The following SZT2 variants were observed in gnomAD, a reference collection of about 807,000 sequenced individuals.
SZT2 encodes KICSTOR complex protein SZT2.
SZT2 carries 216 observed loss-of-function variants against 404.2 expected under a neutral mutation model. That is an observed-to-expected ratio of 0.53 (90% CI 0.48 to 0.60). SZT2 has a LOEUF of 0.60. Ranked by LOEUF, SZT2 falls within the 20% of genes least tolerant of loss-of-function variation. The pLI is 0.00. For missense variants in SZT2, 3,857 were observed against 4,459.2 expected, an observed-to-expected ratio of 0.86 and a Z score of 3.85; for synonymous variants, 1,693 against 1,749.9, an observed-to-expected ratio of 0.97 and a Z score of 0.81.
At chr1:43,395,609 T>C (rs1648903158) in intron 1 of SZT2, among the ~76,000 whole-genome samples, 1 of 152,220 alleles carries the variant, frequency 6.6e-6, no homozygotes, top group Non-Finnish European at 1.5e-5. Flanking sequence ...CTGTTACTTG[T>C]TTTTGTAGAA....
At chr1:43,429,662 A>G (rs200989574) in intron 28 of SZT2, 41 bp from the exon 29 acceptor site, 8 of 1,612,470 alleles carry the variant, frequency 5.0e-6, no homozygotes, top group South Asian at 2.2e-5. Flanking sequence ...TCAGAGCTTG[A>G]TGGTTCTTAA....
chr1:43,431,125 T>A, intron 33 of SZT2, 35 bp downstream of exon 33: 2 of 1,606,036 alleles, frequency 1.2e-6, no homozygotes, highest in Non-Finnish European at 1.7e-6. Flanking sequence ...GTTTGGGACC[T>A]TTTTAGGGTA....
In SZT2 at chr1:43,420,144, G is replaced by C; in HGVS notation, c.1091-9G>C. The C allele has an allele frequency of 2.5e-6, 4 of 1,598,064 alleles. No homozygotes were observed. Among genetic ancestry groups the C allele is most frequent in the Non-Finnish European group, 2.5e-6 (3 of 1,179,584 alleles). ...AGTTTCTCCTTCCCCATCTCCACTG[G>C]TCTTCCAGGCTCTCAGCACCGCCTA... On this transcript the variant is annotated splice_polypyrimidine_tract_variant and intron_variant, in intron 8 of 71. Coordinates refer to ENST00000634258, the MANE Select transcript of SZT2 (RefSeq NM_001365999.1). This position sits in a 1 kb window ranked among gnomAD's most constrained non-coding sequence, Gnocchi z 5.1.
rs1655113391 is a variant in SZT2 at position 43,442,026 on chromosome 1, C to T, written c.7769C>T (p.Pro2590Leu). The change falls in exon 56 of 72, where the codon CCT (proline) becomes CTT (leucine). Residue 2590 changes from proline to leucine, a missense_variant. Physicochemically the swap from Pro to Leu is moderately conservative, Grantham distance 98. Coordinates refer to ENST00000634258, the MANE Select transcript of SZT2 (RefSeq NM_001365999.1). The surrounding 1 kb of genome is among the most constrained non-coding windows in gnomAD (Gnocchi z 4.5). ...HLGSEPEIFG[P>L]CSPGQLGPSP... ...GGTTCAGAGCCAGAGATCTTCGGCC[C>T]TTGTTCCCCTGGGCAACTGGGCCCC... 2 of 1,613,894 alleles carry T rather than the reference C, an allele frequency of 1.2e-6. No homozygotes were observed. Among genetic ancestry groups the T allele is most frequent in the Non-Finnish European group, 8.5e-7 (1 of 1,179,888 alleles).
intron 7 of SZT2, among the ~76,000 whole-genome samples, chr1:43,417,112 A>T (rs1049294253): frequency 6.6e-6 from 1 of 152,222 alleles, no homozygotes; most frequent in Non-Finnish European, 1.5e-5. Context: ...TGCTTTATTA[A>T]TGAGGTTAAG....
rs1314762368 is a variant in SZT2, at chr1:43,432,774, G to A, written c.5577G>A (p.Gln1859=). 8 of 1,613,822 alleles carry A rather than the reference G, an allele frequency of 5.0e-6. No homozygotes were observed. The highest frequency in any genetic ancestry group is 5.9e-6 in the Non-Finnish European group (7 of 1,179,938). ...GGGGATTAAGTCTCATGTCCAGTCA[G>A]GGCAGTGTGGACTCAGACCACCTAG... is the stretch of plus-strand genomic sequence containing the variant. The part of the protein sequence containing the change: ...PSRGLSLMSS[Q]GSVDSDHLGY... Residue 1859 remains glutamine (Q), a synonymous_variant, in exon 39 of 72, where the codon CAG becomes CAA. Transcript: ENST00000634258.
At chr1:43,430,290 T>A in intron 30 of SZT2, 21 bp from the exon 31 acceptor site, 1 of 1,613,304 alleles carries the variant, frequency 6.2e-7, no homozygotes, top group Non-Finnish European at 8.5e-7. Context: ...CCTCATCATC[T>A]TGCTTCATTC....
At chr1:43,413,547 A>G (rs914682587) in intron 4 of SZT2, among the ~76,000 whole-genome samples, 2 of 152,260 alleles carry the variant, frequency 1.3e-5, no homozygotes, top group East Asian at 1.9e-4. Context: ...ATCTGGAAGC[A>G]GCCTGAGTGT....
chr1:43,402,073 T>C (rs1649752772), intron 1 of SZT2, among the ~76,000 whole-genome samples: 1 of 152,224 alleles, frequency 6.6e-6, no homozygotes. Flanking sequence ...AAAATAATTC[T>C]TCACTTTCTT....
At chr1:43,403,975 C>T in intron 3 of SZT2, 1 of 616,666 alleles carries the variant, frequency 1.6e-6, no homozygotes, top group Non-Finnish European at 2.8e-6. Context: ...TTTGGGAAGC[C>T]AAGGCGGGCT....
Position 43,437,142 on chromosome 1 carries a change from A to C in SZT2, c.6035-29A>C. On this transcript the variant is annotated intron_variant, in intron 42 of 71. Transcript: ENST00000634258. This position sits in a 1 kb window ranked among gnomAD's most constrained non-coding sequence, Gnocchi z 5.3. Reference sequence around the variant, plus strand: ...TGGAGGGCAGAGGGTGGTGTGTCCCATTTCTAATCCCTGCTCCCCCTCACC... The same window carrying C: ...TGGAGGGCAGAGGGTGGTGTGTCCCCTTTCTAATCCCTGCTCCCCCTCACC... The C allele has an allele frequency of 6.2e-7, 1 of 1,612,418 alleles. No homozygotes were observed. The highest frequency in any genetic ancestry group is 8.5e-7 in the Non-Finnish European group (1 of 1,179,050).
chr1:43,442,811 T>C lies in SZT2; in HGVS notation c.8152-8T>C. 6.3e-7 allele frequency: 1 copy of C among 1,590,970 alleles called. No homozygotes were observed. Among genetic ancestry groups the C allele is most frequent in the Non-Finnish European group, 8.6e-7 (1 of 1,167,850 alleles). ...GCTATGAACCCATTGCAATGCTCCA[T>C]CTCTCAGGAGCCAAACCCATTCCTG... On this transcript the variant is annotated splice_region_variant and splice_polypyrimidine_tract_variant and intron_variant, in intron 58 of 71. Transcript: ENST00000634258. This position sits in a 1 kb window ranked among gnomAD's most constrained non-coding sequence, Gnocchi z 4.5.
In SZT2 at chr1:43,429,711, C is replaced by A. The variant is rs756954453; in HGVS notation, c.4175C>A (p.Thr1392Asn). 6.2e-7 allele frequency: 1 copy of A among 1,614,176 alleles called. No homozygotes were observed. The highest frequency in any genetic ancestry group is 1.3e-5 in the African/African-American group (1 of 75,048). ...TTACCCCAACCATTCAGCATAGAGA[C>A]CGAGGACCTAAGCGAGCCTGAGTTT... Reference protein sequence around the residue: ...AILASESSIETEDLSEPEFQS... With the variant: ...AILASESSIENEDLSEPEFQS... Residue 1392 changes from threonine (T) to asparagine (N), a missense_variant, in exon 29 of 72, where the codon ACC becomes AAC. Transcript: ENST00000634258.
intron 41 of SZT2, among the ~76,000 whole-genome samples, 162 bp from the exon 42 acceptor site, chr1:43,435,038 C>G (rs1396824060): frequency 1.3e-5 from 2 of 152,190 alleles, no homozygotes; most frequent in Non-Finnish European, 2.9e-5. Flanking sequence ...GAATCACTCT[C>G]AGAGGCCTGA....
intron 28 of SZT2, 35 bp from the exon 29 acceptor site, chr1:43,429,668 C>A (rs1174691951): frequency 3.7e-6 from 6 of 1,613,968 alleles, no homozygotes; most frequent in Non-Finnish European, 5.1e-6. Flanking sequence ...CTTGATGGTT[C>A]TTAACACTTC....
chr1:43,453,898 C>A lies in SZT2; in HGVS notation c.*3418C>A, dbSNP rs1318532064. 4 of 1,216,254 alleles carry A rather than the reference C, an allele frequency of 3.3e-6. No homozygotes were observed. The highest frequency in any genetic ancestry group is 3.1e-6 in the Non-Finnish European group (3 of 979,064). 75.3% of individuals were successfully genotyped at this position (1,216,254 alleles called of 1,614,324 possible). ...GGGCTCTCCTTGCTGGCCCTGCGAA[C>A]GAACGAGCACTGTTCGTGGTTAGAA... On this transcript the variant is annotated 3_prime_UTR_variant, in exon 72 of 72. Coordinates refer to ENST00000634258, the MANE Select transcript of SZT2 (RefSeq NM_001365999.1).
chr1:43,453,764 C>G lies in SZT2; in HGVS notation c.*3284C>G. On this transcript the variant is annotated 3_prime_UTR_variant, in exon 72 of 72. Coordinates refer to ENST00000634258, the MANE Select transcript of SZT2 (RefSeq NM_001365999.1). ...CGGAGAGCTCGGGGAATAGCCAGGA[C>G]AGATTGGCGGAGAAGCGCAGCGGCG... is the stretch of plus-strand genomic sequence containing the variant. 4.6e-6 allele frequency: 6 copies of G among 1,315,534 alleles called. No individual in the cohort carries two copies. Among genetic ancestry groups the G allele is most frequent in the Non-Finnish European group, 5.8e-6 (6 of 1,038,250 alleles). The allele number at this position is 1,315,534 out of a possible 1,614,324, so 81.5% of individuals were successfully genotyped here. A position where few individuals can be genotyped will look rare whatever the true frequency, so the allele number is the denominator to read the frequency against.
Position 43,439,740 on chromosome 1 carries a change from G to A in SZT2, c.7013G>A (p.Arg2338His), listed in dbSNP as rs777078813. 2.8e-5 allele frequency: 45 copies of A among 1,605,072 alleles called. No homozygotes were observed. The highest frequency in any genetic ancestry group is 8.5e-5 in the Admixed American group (5 of 59,134). The change falls in exon 50 of 72, where the codon CGC becomes CAC. Residue 2338 changes from arginine (R) to histidine (H), a missense_variant. Physicochemically the swap from Arg to His is conservative, Grantham distance 29 (BLOSUM62 0). Around this residue, in one of 7 missense-constraint regions of SZT2, gnomAD observed 573 missense variants for 592.4 expected, o/e 0.97. Transcript: ENST00000634258. This position sits in a 1 kb window ranked among gnomAD's most constrained non-coding sequence, Gnocchi z 4.2. ...TTTGAGCAACTGACCCAGGTCATCCGCTGCCCGGTTGTTGTGGACAGTTCT... is the reference window on the plus strand; with the variant it reads ...TTTGAGCAACTGACCCAGGTCATCCACTGCCCGGTTGTTGTGGACAGTTCT... ...EEFEQLTQVI[R>H]CPVVVDSSSA...
rs6954 is a variant in SZT2 at position 43,450,971 on chromosome 1, T to C, written c.*491T>C. ...CCCAGCTCTGCCTTTGAAGCACTTG[T>C]GGCCACCGTCAAGTCCCTTTGCTCT... On this transcript the variant is annotated 3_prime_UTR_variant, in exon 72 of 72. Coordinates refer to ENST00000634258, the MANE Select transcript of SZT2 (RefSeq NM_001365999.1). The surrounding 1 kb of genome is among the most constrained non-coding windows in gnomAD (Gnocchi z 4.3). The C allele has an allele frequency of 0.6, 455,210 of 762,158 alleles. 137,095 individuals carry two copies. Among genetic ancestry groups the C allele is most frequent in the African/African-American group, 0.69 (40,846 of 59,058 alleles). 47.2% of individuals were successfully genotyped at this position (762,158 alleles called of 1,614,324 possible). A position where few individuals can be genotyped will look rare whatever the true frequency, so the allele number is the denominator to read the frequency against.
Sources: allele counts gnomAD v4.1 joint callset (sites outside exome capture counted in the v4.1 genomes callset), GRCh38; gene constraint gnomAD v4.1.1; regional missense constraint gnomAD v4.1.1; non-coding constraint Gnocchi (gnomAD v3.1); transcripts MANE v1.5; gene names NCBI Gene and HGNC (gene_info 2026-07-23, HGNC 2026-07-21).